The following EIF4E3 variants were observed in gnomAD, a reference collection of about 807,000 sequenced individuals.
EIF4E3 encodes eukaryotic translation initiation factor 4E type 3.
EIF4E3 carries 26 observed loss-of-function variants against 31.7 expected under a neutral mutation model. The observed-to-expected ratio is 0.82, with a 90% CI of 0.60 to 1.14. The LOEUF (loss-of-function observed/expected upper bound fraction) is 1.14. Ranked by LOEUF, EIF4E3 falls within the 50% of genes most tolerant of loss-of-function variation. The pLI is 0.00. For missense variants in EIF4E3, 304 were observed against 270.9 expected (o/e 1.12, Z -0.86); for synonymous variants, 128 against 107.7 (o/e 1.19, Z -1.17).
rs1221460681 is a variant in EIF4E3 at position 71,684,563 on chromosome 3, G to C, written c.*119C>G. 1.6e-6 allele frequency: 2 copies of C among 1,249,380 alleles called. No individual in the cohort carries two copies. The highest frequency in any genetic ancestry group is 1.5e-5 in the African/African-American group (1 of 66,884). 77.4% of individuals were successfully genotyped at this position (1,249,380 alleles called of 1,614,324 possible). On this transcript the variant is annotated 3_prime_UTR_variant, in exon 7 of 7. Coordinates refer to ENST00000425534, the MANE Select transcript of EIF4E3 (RefSeq NM_001134651.2). ...TCCTAATTGCCCATCTGCAAGGACA[G>C]AAACCCACTCTAAATTGACCAGCAT...
At chr3:71,737,792 C>A (rs1218008714) in intron 1 of EIF4E3, among the ~76,000 whole-genome samples, 1 of 151,768 alleles carries the variant, frequency 6.6e-6, no homozygotes. Context: ...AACAAACAAA[C>A]AAAAAACAAC....
At chr3:71,733,468 A>AT (rs2049728268) in intron 1 of EIF4E3, among the ~76,000 whole-genome samples, 1 of 152,198 alleles carries the variant, frequency 6.6e-6, no homozygotes, top group South Asian at 2.1e-4. Flanking sequence ...CCGAAGCTTT[A>AT]TTTTAAGCTG....
chr3:71,741,312 A>G (rs1012411409), intron 1 of EIF4E3, among the ~76,000 whole-genome samples: 3 of 152,186 alleles, frequency 2.0e-5, no homozygotes, highest in African/African-American at 7.2e-5. Flanking sequence ...AATAATTTTT[A>G]AAGTAAAAAA....
downstream of EIF4E3, among the ~76,000 whole-genome samples, chr3:71,671,464 G>T (rs2048847612): frequency 6.6e-6 from 1 of 152,194 alleles, no homozygotes; most frequent in East Asian, 1.9e-4. Context: ...TGTGCTCATT[G>T]CTGGAATCTA....
chr3:71,694,536 C>A (rs1394327724), intron 4 of EIF4E3, among the ~76,000 whole-genome samples: 2 of 150,808 alleles, frequency 1.3e-5, no homozygotes, highest in Non-Finnish European at 2.9e-5. Context: ...ACGCTCCGGT[C>A]TGCCTCCTAC....
At chr3:71,659,491 G>A in the EIF4E3 span, among the ~76,000 whole-genome samples, 1 of 152,194 alleles carries the variant, frequency 6.6e-6, no homozygotes. Context: ...TCGTCTTCTT[G>A]ACAGGATGTG....
At chr3:71,684,807 C>T in intron 6 of EIF4E3, 79 bp from the exon 7 acceptor site, 2 of 1,451,828 alleles carry the variant, frequency 1.4e-6, no homozygotes, top group Non-Finnish European at 1.9e-6. Flanking sequence ...CTCCTCTAGG[C>T]ATCTCATTCA....
intron 6 of EIF4E3, among the ~76,000 whole-genome samples, chr3:71,685,817 T>C (rs892058936): frequency 6.6e-6 from 1 of 152,224 alleles, no homozygotes; most frequent in Admixed American, 6.5e-5. Flanking sequence ...CCGGATCTGG[T>C]TAACCATTAC....
intron 1 of EIF4E3, among the ~76,000 whole-genome samples, chr3:71,722,173 A>C (rs2049561908): frequency 6.6e-6 from 1 of 152,220 alleles, no homozygotes; most frequent in African/African-American, 2.4e-5. Context: ...ACTTGCTCTT[A>C]ACTGCTCTTA....
chr3:71,699,676 A>C lies in EIF4E3; in HGVS notation c.282T>G (p.Pro94=), dbSNP rs571405935. The change falls in exon 3 of 7, where the codon CCT becomes CCG. Residue 94 remains proline, a synonymous_variant. Coordinates refer to ENST00000425534, the MANE Select transcript of EIF4E3 (RefSeq NM_001134651.2). ...IFWSVYNNIP[P]VTSLPLRCSY... ...TACATCTCAAAGGCAGGCTAGTCAC[A>C]GGAGGGATATTATTGTATACACTCC... 6.2e-7 allele frequency: 1 copy of C among 1,613,608 alleles called. No individual in the cohort carries two copies. Among genetic ancestry groups the C allele is most frequent in the Non-Finnish European group, 8.5e-7 (1 of 1,179,850 alleles).
intron 5 of EIF4E3, among the ~76,000 whole-genome samples, chr3:71,692,657 G>A (rs1318592722): frequency 2.0e-5 from 3 of 150,544 alleles, no homozygotes; most frequent in Non-Finnish European, 4.4e-5. Flanking sequence ...GTACAATAGC[G>A]ATCATAGCTC....
chr3:71,720,634 G>C (rs1301695552), intron 1 of EIF4E3, among the ~76,000 whole-genome samples: 1 of 152,140 alleles, frequency 6.6e-6, no homozygotes, highest in African/African-American at 2.4e-5. Flanking sequence ...GGTGGTAAGA[G>C]ACATAAAGTA....
At chr3:71,747,879 A>T (rs56942523) in intron 1 of EIF4E3, among the ~76,000 whole-genome samples, 2,516 of 152,330 alleles carry the variant, frequency 0.017, 67 homozygotes, top group African/African-American at 0.058. Flanking sequence ...CACTAAACAC[A>T]TTTTGCTTAA....
upstream of EIF4E3, chr3:71,725,480 C>G (rs1471134248): frequency 1.7e-5 from 10 of 594,476 alleles, no homozygotes; most frequent in Non-Finnish European, 2.1e-5. The surrounding 1 kb of genome is among the most constrained non-coding windows in gnomAD (Gnocchi z 6.1). Context: ...CCGCCCCGGG[C>G]TAGCCGCCCG....
chr3:71,728,603 G>C (rs1252390949), upstream of EIF4E3: 1 of 152,900 alleles, frequency 6.5e-6, no homozygotes, highest in African/African-American at 2.4e-5. Flanking sequence ...AAGAGAGGAA[G>C]AGAAGGTGAC....
chr3:71,752,876 T>C (rs2049947571), intron 1 of EIF4E3, among the ~76,000 whole-genome samples: 1 of 152,078 alleles, frequency 6.6e-6, no homozygotes, highest in Non-Finnish European at 1.5e-5. Flanking sequence ...GCGAGACAAA[T>C]GCGGTGTGTC....
intron 1 of EIF4E3, among the ~76,000 whole-genome samples, chr3:71,722,347 G>T (rs2049564691): frequency 6.6e-6 from 1 of 152,182 alleles, no homozygotes. Flanking sequence ...GAATTCAGGT[G>T]GACCTGAAAG....
At chr3:71,753,506 T>TG (rs1243835497) in exon 1 of EIF4E3, 1 of 151,484 alleles carries the variant, frequency 6.6e-6, no homozygotes, top group African/African-American at 2.4e-5. Flanking sequence ...TCCTGGGCCC[T>TG]GCCTCCCTCC....
At chr3:71,707,993 C>A (rs1340157650) in intron 2 of EIF4E3, among the ~76,000 whole-genome samples, 1 of 151,248 alleles carries the variant, frequency 6.6e-6, no homozygotes, top group Non-Finnish European at 1.5e-5. Flanking sequence ...TAAAGCAATT[C>A]TCCTGCCTCA....
Sources: allele counts gnomAD v4.1 joint callset (sites outside exome capture counted in the v4.1 genomes callset), GRCh38; gene constraint gnomAD v4.1.1; non-coding constraint Gnocchi (gnomAD v3.1); transcripts MANE v1.5; gene names NCBI Gene and HGNC (gene_info 2026-07-23, HGNC 2026-07-21).